Variants in EPHA5 observed in about 807,000 individuals in gnomAD.
EPHA5 encodes the protein ephrin type-A receptor 5.
In EPHA5, 60 loss-of-function variants were observed where a neutral mutation model predicts 105.0. That is an observed-to-expected ratio of 0.57 (90% confidence interval 0.46 to 0.71). EPHA5 has a LOEUF of 0.71. EPHA5 is among the 30% of genes least tolerant of loss of function. The pLI is 0.00. For missense variants in EPHA5, 1,218 were observed against 1,274.7 expected, an observed-to-expected ratio of 0.96 and a Z score of 0.68; for synonymous variants, 513 against 449.1, an observed-to-expected ratio of 1.14 and a Z score of -1.80.
At chr4:65,361,526 A>G (rs1227833532) in intron 11 of EPHA5, among the ~76,000 whole-genome samples, 1 of 150,072 alleles carries the variant, frequency 6.7e-6, no homozygotes, top group Non-Finnish European at 1.5e-5. Flanking sequence ...AAGTGACAAA[A>G]TGGGAAGAGT....
intron 3 of EPHA5, among the ~76,000 whole-genome samples, chr4:65,573,085 T>C (rs1740379022): frequency 6.6e-6 from 1 of 151,356 alleles, no homozygotes; most frequent in Non-Finnish European, 1.5e-5. Context: ...TTCTGGAAGT[T>C]ATGTTTGAAT....
At chr4:65,409,473 G>T (rs1722715582) in intron 7 of EPHA5, among the ~76,000 whole-genome samples, 1 of 151,846 alleles carries the variant, frequency 6.6e-6, no homozygotes, top group South Asian at 2.1e-4. Flanking sequence ...AAATTTTAAG[G>T]CAGCATATAC....
chr4:65,573,729 A>G (rs4460052), intron 3 of EPHA5: 2 of 1,601,992 alleles, frequency 1.2e-6, no homozygotes, highest in Non-Finnish European at 1.7e-6. Flanking sequence ...GGTTCTTGCA[A>G]CTGTTACAAA....
At chr4:65,578,827 A>G (rs927684482) in intron 3 of EPHA5, among the ~76,000 whole-genome samples, 5 of 152,122 alleles carry the variant, frequency 3.3e-5, no homozygotes, top group African/African-American at 1.2e-4. Context: ...CTCAATGCTG[A>G]CTATAACTCA....
chr4:65,617,002 T>G (rs1195028945), intron 2 of EPHA5, among the ~76,000 whole-genome samples: 2 of 152,090 alleles, frequency 1.3e-5, no homozygotes, highest in Non-Finnish European at 2.9e-5. Context: ...ATACAGTAAA[T>G]TATACTATTT....
At chr4:65,555,040 G>T (rs1376002321) in intron 3 of EPHA5, among the ~76,000 whole-genome samples, 1 of 137,480 alleles carries the variant, frequency 7.3e-6, no homozygotes, top group Non-Finnish European at 1.5e-5. Context: ...TTTTAAGGAA[G>T]TTTTGTCTTC....
chr4:65,339,788 C>G (rs537330497), intron 14 of EPHA5, among the ~76,000 whole-genome samples: 75 of 152,182 alleles, frequency 4.9e-4, no homozygotes, highest in African/African-American at 1.7e-3. Context: ...CACACTCACA[C>G]TCATGCCACA....
chr4:65,518,738 A>T (rs1217014172), intron 3 of EPHA5, among the ~76,000 whole-genome samples: 1 of 152,080 alleles, frequency 6.6e-6, no homozygotes, highest in Non-Finnish European at 1.5e-5. Context: ...TTTGAAAATA[A>T]GAGCAAAGGA....
intron 2 of EPHA5, among the ~76,000 whole-genome samples, chr4:65,613,014 C>T (rs1744915118): frequency 1.3e-5 from 2 of 152,064 alleles, no homozygotes; most frequent in Admixed American, 6.6e-5. Context: ...TCAGGTCATA[C>T]ATTTAAATCT....
intron 15 of EPHA5, 103 bp from the exon 16 acceptor site, chr4:65,332,231 A>G: frequency 2.1e-6 from 2 of 949,908 alleles, no homozygotes; most frequent in Non-Finnish European, 3.0e-6. Context: ...TGAGTCTGTA[A>G]GTATATTTAT....
chr4:65,441,676 A>G (rs1382419321), intron 5 of EPHA5, among the ~76,000 whole-genome samples: 1 of 152,170 alleles, frequency 6.6e-6, no homozygotes, highest in Non-Finnish European at 1.5e-5. Context: ...TCTGCATTTC[A>G]TTACAAAATA....
intron 8 of EPHA5, among the ~76,000 whole-genome samples, chr4:65,402,447 TA>T (rs1179899271): frequency 2.0e-5 from 3 of 152,120 alleles, no homozygotes; most frequent in African/African-American, 7.2e-5. Context: ...CACATAAGGG[TA>T]AGTAAGAATC....
chr4:65,381,405 T>C (rs549952077), intron 8 of EPHA5, among the ~76,000 whole-genome samples: 147 of 151,926 alleles, frequency 9.7e-4, no homozygotes, highest in African/African-American at 3.4e-3. Context: ...CATTGCATTA[T>C]GGAAAAATTT....
chr4:65,509,341 T>C (rs1376659812), intron 3 of EPHA5, among the ~76,000 whole-genome samples: 1 of 150,464 alleles, frequency 6.6e-6, no homozygotes, highest in East Asian at 1.9e-4. Flanking sequence ...GTTCGACCTG[T>C]TTGATACAAT....
intron 3 of EPHA5, among the ~76,000 whole-genome samples, chr4:65,549,957 A>G (rs935876344): frequency 6.6e-6 from 1 of 152,124 alleles, no homozygotes; most frequent in African/African-American, 2.4e-5. Flanking sequence ...ACATTCATTT[A>G]TAAAACTAAA....
intron 14 of EPHA5, among the ~76,000 whole-genome samples, chr4:65,340,879 A>G (rs916954530): frequency 1.1e-4 from 16 of 152,142 alleles, no homozygotes; most frequent in African/African-American, 3.9e-4. Flanking sequence ...ACCTGCATAA[A>G]GCTTACTTTA....
intron 3 of EPHA5, among the ~76,000 whole-genome samples, chr4:65,561,550 A>G (rs1436432611): frequency 1.3e-5 from 2 of 152,116 alleles, no homozygotes; most frequent in African/African-American, 2.4e-5. Context: ...TCCATTGATC[A>G]CATGTTCACT....
At chr4:65,341,534 A>G (rs1721720257) in intron 14 of EPHA5, among the ~76,000 whole-genome samples, 1 of 150,892 alleles carries the variant, frequency 6.6e-6, no homozygotes, top group South Asian at 2.1e-4. Context: ...ATAGAATCAT[A>G]TTTATTTGCA....
At chr4:65,409,263 C>T (rs574877691) in intron 7 of EPHA5, among the ~76,000 whole-genome samples, 4 of 126,106 alleles carry the variant, frequency 3.2e-5, no homozygotes, top group Middle Eastern at 3.8e-3. Context: ...GTGGGTGCAG[C>T]GCACCAGCAT....
Sources: gnomAD v4.1 joint callset for allele counts (sites outside exome capture counted in the v4.1 genomes callset) on GRCh38, gnomAD v4.1.1 for gene constraint, MANE v1.5 for transcripts, NCBI Gene and HGNC (gene_info 2026-07-23, HGNC 2026-07-21) for gene names.